The following ZBTB40 variants were observed in gnomAD, a reference collection of about 807,000 sequenced individuals.
ZBTB40 encodes the protein zinc finger and BTB domain-containing protein 40.
Under a neutral mutation model 117.5 loss-of-function variants are expected in ZBTB40, and 60 were observed. The observed-to-expected ratio is 0.51, with a 90% CI of 0.41 to 0.63. ZBTB40 has a LOEUF of 0.63. Ranked by LOEUF, ZBTB40 falls within the 30% of genes least tolerant of loss-of-function variation. ZBTB40 has a pLI of 0.00. For missense variants in ZBTB40, 1,287 were observed against 1,498.5 expected, an observed-to-expected ratio of 0.86 and a Z score of 2.33; for synonymous variants, 525 against 577.1, an observed-to-expected ratio of 0.91 and a Z score of 1.29.
At chr1:22,518,154 C>T (rs188004159) in intron 13 of ZBTB40, among the ~76,000 whole-genome samples, 2 of 152,354 alleles carry the variant, frequency 1.3e-5, no homozygotes, top group Admixed American at 1.3e-4. Flanking sequence ...TTTTCTTCAG[C>T]CTCTCTTGTT....
At position 22,509,124 on chromosome 1, in the gene ZBTB40, T is replaced by G; in HGVS notation, c.1724T>G (p.Leu575Ter). The change falls in exon 9 of 18, where the codon TTA becomes TGA. Residue 575 changes from leucine to a stop codon, truncating the protein, a stop_gained. Transcript: ENST00000375647. LOFTEE classifies it high-confidence loss of function. ...RAVTTPEHAT[L>*]ETILRHNQLI... ...GTGACCACCCCAGAACATGCCACTT[T>G]AGAAACAATCCTGAGGCATAACCAG... 1 of 1,614,126 alleles carries G rather than the reference T, an allele frequency of 6.2e-7. No homozygotes were observed. The highest frequency in any genetic ancestry group is 1.1e-5 in the South Asian group (1 of 91,072).
intron 1 of ZBTB40, 133 bp downstream of exon 1, chr1:22,452,137 C>T (rs1248637333): frequency 6.6e-6 from 1 of 152,480 alleles, no homozygotes; most frequent in East Asian, 1.9e-4. Flanking sequence ...CGAATCACGG[C>T]CGCCTCACCT....
At chr1:22,460,229 G>A (rs1035327885) in intron 1 of ZBTB40, among the ~76,000 whole-genome samples, 9 of 152,160 alleles carry the variant, frequency 5.9e-5, no homozygotes, top group Non-Finnish European at 8.8e-5. Flanking sequence ...GAATGAAGGT[G>A]GGTGAAAGAG....
chr1:22,476,310 C>G (rs554063915), intron 1 of ZBTB40, among the ~76,000 whole-genome samples: 7 of 152,278 alleles, frequency 4.6e-5, no homozygotes, highest in African/African-American at 1.7e-4. Context: ...ACCTCTGCCT[C>G]CCAGGTTCAA....
intron 1 of ZBTB40, chr1:22,452,590 C>T (rs1187497568): frequency 6.6e-6 from 1 of 152,218 alleles, no homozygotes; most frequent in Non-Finnish European, 1.5e-5. Context: ...TGAGTAGTTG[C>T]GCAGCCGTTG....
intron 3 of ZBTB40, 42 bp from the exon 4 acceptor site, chr1:22,501,450 G>A: frequency 6.2e-7 from 1 of 1,610,182 alleles, no homozygotes; most frequent in Non-Finnish European, 8.5e-7. Flanking sequence ...GATGGTTCTT[G>A]TGGTTCGCTA....
upstream of ZBTB40, among the ~76,000 whole-genome samples, chr1:22,448,406 C>T (rs796338058): frequency 3.9e-5 from 6 of 152,130 alleles, no homozygotes; most frequent in South Asian, 2.1e-4. Context: ...TATAATGATA[C>T]GTTGCTGCTA....
intron 12 of ZBTB40, among the ~76,000 whole-genome samples, chr1:22,516,128 A>G (rs953370315): frequency 3.9e-5 from 6 of 152,320 alleles, no homozygotes; most frequent in African/African-American, 1.4e-4. Context: ...TGCCATGAGC[A>G]ACTGAGTGAA....
chr1:22,479,816 T>C (rs867010563), intron 1 of ZBTB40, among the ~76,000 whole-genome samples: 5 of 152,176 alleles, frequency 3.3e-5, no homozygotes, highest in South Asian at 2.1e-4. Flanking sequence ...TTCTCAGACT[T>C]TTCTTCCTAA....
chr1:22,444,013 C>T (rs1640761400), intron 1 of ZBTB40, among the ~76,000 whole-genome samples: 2 of 152,052 alleles, frequency 1.3e-5, no homozygotes, highest in South Asian at 4.1e-4. Context: ...TCCCTTTGTT[C>T]CAGTAGGTAG....
upstream of ZBTB40, among the ~76,000 whole-genome samples, chr1:22,447,036 G>A (rs144540663): frequency 2.5e-3 from 384 of 151,728 alleles, 2 homozygotes; most frequent in African/African-American, 8.8e-3. Context: ...CCAGGAGGTC[G>A]AGGCTGCAGT....
chr1:22,503,026 TTC>T (rs1638983960), intron 5 of ZBTB40, among the ~76,000 whole-genome samples: 2 of 152,142 alleles, frequency 1.3e-5, no homozygotes, highest in African/African-American at 4.8e-5. Flanking sequence ...ACATATGGTT[TTC>T]TAACTTGACT....
rs187980570 is a variant in ZBTB40, at chr1:22,489,848, G to A, written c.-69-32G>A. 3.8e-4 allele frequency: 447 copies of A among 1,164,820 alleles called. 1 individual carries two copies. In the East Asian group the frequency reaches 5.3e-3, roughly 14 times the overall value. The allele number at this position is 1,164,820 out of a possible 1,614,324, so 72.2% of individuals were successfully genotyped here. ...AGGCCTTTCCCTATGGTTTTTTGAA[G>A]TTTTAACCTGGTATTTTGTGGGTTT... On this transcript the variant is annotated intron_variant, in intron 1 of 17. Coordinates refer to ENST00000375647, the MANE Select transcript of ZBTB40 (RefSeq NM_014870.4).
At chr1:22,474,990 A>G (rs1488025289) in intron 1 of ZBTB40, among the ~76,000 whole-genome samples, 1 of 151,572 alleles carries the variant, frequency 6.6e-6, no homozygotes, top group East Asian at 1.9e-4. Context: ...GAACACCCAA[A>G]AAGATGTCTC....
At chr1:22,507,539 G>C (rs1036467093) in intron 6 of ZBTB40, among the ~76,000 whole-genome samples, 2 of 152,150 alleles carry the variant, frequency 1.3e-5, no homozygotes, top group Non-Finnish European at 2.9e-5. Flanking sequence ...AAGTAAATAT[G>C]ACCTCTTAAA....
intron 3 of ZBTB40, among the ~76,000 whole-genome samples, chr1:22,494,006 C>G (rs951007699): frequency 2.0e-5 from 3 of 152,110 alleles, no homozygotes; most frequent in African/African-American, 7.2e-5. Flanking sequence ...GGGATACTAT[C>G]ACCTACATCA....
At chr1:22,445,854 CAAA>C (rs139091527) in intron 1 of ZBTB40, among the ~76,000 whole-genome samples, 8 of 109,312 alleles carry the variant, frequency 7.3e-5, no homozygotes, top group Admixed American at 9.2e-5. Flanking sequence ...GACTCCGTCT[CAAA>C]AAAAAAAAAA....
At chr1:22,428,970 T>A (rs1308879360) in exon 1 of ZBTB40, among the ~76,000 whole-genome samples, 1 of 152,220 alleles carries the variant, frequency 6.6e-6, no homozygotes, top group Non-Finnish European at 1.5e-5. Flanking sequence ...CAGAGCCATG[T>A]GCTGAGGTTG....
At chr1:22,490,684 A>G (rs1638604994) in intron 2 of ZBTB40, 39 bp downstream of exon 2, 5 of 1,603,902 alleles carry the variant, frequency 3.1e-6, no homozygotes, top group Non-Finnish European at 3.4e-6. Flanking sequence ...TTCTGTTTTC[A>G]ATGATCTTTA....
Sources: allele counts gnomAD v4.1 joint callset (sites outside exome capture counted in the v4.1 genomes callset), GRCh38; gene constraint gnomAD v4.1.1; transcripts MANE v1.5; gene names NCBI Gene and HGNC (gene_info 2026-07-23, HGNC 2026-07-21).